The following TRIO variants were observed in gnomAD, a reference collection of about 807,000 sequenced individuals.
The protein encoded by TRIO is triple functional domain protein.
In TRIO, 58 loss-of-function variants were observed where a neutral mutation model predicts 351.9. That is an observed-to-expected ratio of 0.16 (90% confidence interval 0.13 to 0.21). The LOEUF (loss-of-function observed/expected upper bound fraction) is 0.21. Ranked by LOEUF, TRIO falls within the 10% of genes least tolerant of loss-of-function variation. The pLI is 1.00. For missense variants in TRIO, 3,201 were observed against 4,027.8 expected (o/e 0.79, Z 5.56); for synonymous variants, 1,758 against 1,595.7 (o/e 1.10, Z -2.42).
intron 8 of TRIO, among the ~76,000 whole-genome samples, chr5:14,313,161 C>T (rs563655789): frequency 3.9e-5 from 6 of 152,128 alleles, no homozygotes; most frequent in Non-Finnish European, 5.9e-5. Context: ...TCTTTACTGC[C>T]GCTGTCACTA....
At chr5:14,187,442 G>C (rs1453796743) in intron 1 of TRIO, among the ~76,000 whole-genome samples, 3 of 152,008 alleles carry the variant, frequency 2.0e-5, no homozygotes, top group African/African-American at 7.3e-5. Context: ...TGTGTTGTGG[G>C]CTTTATTTTT....
intron 33 of TRIO, among the ~76,000 whole-genome samples, chr5:14,419,481 T>C (rs1476133718): frequency 6.6e-6 from 1 of 152,082 alleles, no homozygotes; most frequent in Non-Finnish European, 1.5e-5. Flanking sequence ...TTCATGATAA[T>C]CCCCCAGATA....
At chr5:14,414,161 C>G (rs77119015) in intron 33 of TRIO, among the ~76,000 whole-genome samples, 1,752 of 152,320 alleles carry the variant, frequency 0.012, 22 homozygotes, top group African/African-American at 0.04. Context: ...TTTGCCTCTT[C>G]CCCGCCCTCG....
In TRIO at chr5:14,259,949, A is replaced by G. The variant is rs567981943; in HGVS notation, c.158-10876A>G. Among the ~76,000 whole-genome samples, 4 of 152,358 alleles carry G rather than the reference A, an allele frequency of 2.6e-5. No homozygotes were observed. In the East Asian group the frequency reaches 7.7e-4, roughly 29 times the overall value. On this transcript the variant is annotated intron_variant, in intron 1 of 56. Transcript: ENST00000344204. ...TCCTCAGAGCATCAGATGTATTGCA[A>G]ATTACATTCAGAGAAGAAGGAACAA...
chr5:14,411,925 A>G (rs1268824933), intron 33 of TRIO, among the ~76,000 whole-genome samples: 1 of 151,402 alleles, frequency 6.6e-6, no homozygotes, highest in Non-Finnish European at 1.5e-5. Context: ...AGTTATTCTT[A>G]ATGAAGCCTT....
intron 41 of TRIO, 175 bp downstream of exon 41, chr5:14,477,138 C>A: frequency 1.7e-6 from 1 of 584,736 alleles, no homozygotes; most frequent in Non-Finnish European, 2.9e-6. Flanking sequence ...ACATGAGTTA[C>A]CTGCTTTCCC....
At position 14,488,369 on chromosome 5, in the gene TRIO, C is replaced by T. The variant is rs903836939; in HGVS notation, c.7632+109C>T. The T allele has an allele frequency of 2.8e-5, 41 of 1,442,620 alleles. 1 individual carries two copies. Among genetic ancestry groups the T allele is most frequent in the South Asian group, 9.7e-5 (7 of 72,420 alleles). The allele number at this position is 1,442,620 out of a possible 1,614,324, so 89.4% of individuals were successfully genotyped here. A position where few individuals can be genotyped will look rare whatever the true frequency, so the allele number is the denominator to read the frequency against. ...AACTCGGCTGCCCAGCGCTCTCCGC[C>T]GCCCGTTGCGGCCTCTACCTGGGAC... On this transcript the variant is annotated intron_variant, in intron 48 of 56. Transcript: ENST00000344204.
intron 1 of TRIO, among the ~76,000 whole-genome samples, chr5:14,242,631 G>T (rs1470689096): frequency 6.6e-6 from 1 of 152,156 alleles, no homozygotes; most frequent in Admixed American, 6.5e-5. Context: ...CTGGAGTACG[G>T]TGGCAGGATC....
intron 3 of TRIO, among the ~76,000 whole-genome samples, chr5:14,285,064 T>C (rs1472368102): frequency 2.6e-5 from 4 of 152,164 alleles, no homozygotes; most frequent in South Asian, 2.1e-4. Flanking sequence ...AGGAGATGTT[T>C]CTGGGAGTCC....
chr5:14,496,110 C>G (rs1026284686), intron 49 of TRIO, among the ~76,000 whole-genome samples: 1 of 152,108 alleles, frequency 6.6e-6, no homozygotes. Flanking sequence ...TTTTTTTTAG[C>G]AAATAAACTG....
intron 48 of TRIO, among the ~76,000 whole-genome samples, chr5:14,490,137 G>A (rs1756374938): frequency 6.7e-6 from 1 of 148,162 alleles, no homozygotes; most frequent in Admixed American, 6.7e-5. Flanking sequence ...TTTAAAATTA[G>A]GTGAGCTGGC....
intron 1 of TRIO, among the ~76,000 whole-genome samples, chr5:14,263,729 CT>C (rs1795488158): frequency 6.6e-6 from 1 of 152,108 alleles, no homozygotes; most frequent in African/African-American, 2.4e-5. Context: ...TCACAGAACC[CT>C]ATATGTGCAT....
chr5:14,383,886 A>T (rs1224335687), intron 21 of TRIO, among the ~76,000 whole-genome samples: 1 of 152,160 alleles, frequency 6.6e-6, no homozygotes, highest in Non-Finnish European at 1.5e-5. Flanking sequence ...TGTATAGAGA[A>T]TTCTTAGCTC....
chr5:14,197,136 A>G (rs1050058193), intron 1 of TRIO, among the ~76,000 whole-genome samples: 3 of 152,252 alleles, frequency 2.0e-5, no homozygotes, highest in African/African-American at 7.2e-5. Context: ...GCCAGAAGAA[A>G]AAAATCTACT....
At chr5:14,403,923 T>C (rs1168184538) in intron 31 of TRIO, among the ~76,000 whole-genome samples, 1 of 135,330 alleles carries the variant, frequency 7.4e-6, no homozygotes, top group Admixed American at 7.3e-5. Context: ...AGGGTGTAGG[T>C]GGTGGTGGTG....
intron 39 of TRIO, among the ~76,000 whole-genome samples, chr5:14,473,673 A>G (rs1754841643): frequency 6.6e-6 from 1 of 152,246 alleles, no homozygotes; most frequent in South Asian, 2.1e-4. Flanking sequence ...TATGATTCTG[A>G]CCAAATATTT....
intron 11 of TRIO, among the ~76,000 whole-genome samples, chr5:14,352,016 C>T (rs1038750291): frequency 8.5e-5 from 13 of 152,232 alleles, no homozygotes; most frequent in African/African-American, 3.1e-4. Flanking sequence ...GGGATTTCTT[C>T]CAGCAGAGCT....
chr5:14,289,567 G>T (rs1017143020), intron 4 of TRIO, among the ~76,000 whole-genome samples: 2 of 151,860 alleles, frequency 1.3e-5, no homozygotes, highest in African/African-American at 4.8e-5. Context: ...AAAAAAAAAG[G>T]TCGTGTGCGA....
intron 49 of TRIO, 49 bp downstream of exon 49, chr5:14,492,863 GC>G (rs1442925765): frequency 1.9e-6 from 3 of 1,599,458 alleles, no homozygotes; most frequent in Non-Finnish European, 2.6e-6. Context: ...GAGGGAGGGG[GC>G]ACAGCACCCG....
Sources: allele counts gnomAD v4.1 joint callset (sites outside exome capture counted in the v4.1 genomes callset), GRCh38; gene constraint gnomAD v4.1.1; transcripts MANE v1.5; gene names NCBI Gene and HGNC (gene_info 2026-07-23, HGNC 2026-07-21).